Variants in SNRPN observed in about 807,000 individuals in gnomAD.
SNRPN encodes the protein small nuclear ribonucleoprotein-associated protein N.
Under a neutral mutation model 25.2 loss-of-function variants are expected in SNRPN, and 7 were observed. The observed-to-expected ratio is 0.28, with a 90% CI of 0.16 to 0.52. The LOEUF (loss-of-function observed/expected upper bound fraction) is 0.52, where lower values mean the gene tolerates loss of function less well. SNRPN is among the 20% of genes least tolerant of loss of function. The pLI, the probability that SNRPN is intolerant of heterozygous loss-of-function variation, is 0.96. For synonymous variants in SNRPN, 124 were observed against 110.6 expected (o/e 1.12, Z -0.76); for missense variants, 196 against 322.5 (o/e 0.61, Z 3.00).
chr15:24,913,840 G>T (rs2059363352), intron 2 of SNRPN, among the ~76,000 whole-genome samples: 1 of 152,126 alleles, frequency 6.6e-6, no homozygotes. Flanking sequence ...AGTTATCAAA[G>T]AAGTGCTTTG....
At chr15:24,840,444 C>T (rs1389189082) in intron 2 of SNRPN, among the ~76,000 whole-genome samples, 1 of 152,194 alleles carries the variant, frequency 6.6e-6, no homozygotes, top group Non-Finnish European at 1.5e-5. Context: ...TGGTACACCC[C>T]AGTGTCAGTT....
At chr15:24,913,380 C>T (rs995136908) in intron 2 of SNRPN, among the ~76,000 whole-genome samples, 6 of 152,082 alleles carry the variant, frequency 3.9e-5, no homozygotes, top group East Asian at 1.9e-4. Context: ...TAGTGGCTCA[C>T]GCCTGTAATC....
intron 1 of SNRPN, among the ~76,000 whole-genome samples, chr15:24,868,240 T>C (rs1470186152): frequency 6.6e-6 from 1 of 152,122 alleles, no homozygotes; most frequent in Non-Finnish European, 1.5e-5. Context: ...TTCCTTATTA[T>C]AGGCAACTCA....
In SNRPN at chr15:24,964,338, C is replaced by T. The variant is rs140752335; in HGVS notation, c.-295+2129C>T. On this transcript the variant is annotated intron_variant, in intron 2 of 9. Transcript: ENST00000390687. ...TTTCATCTCTTCATTCTTTTTGAGA[C>T]GGAGTTTTGCTCTTGTTGCCCAGGA... Among the ~76,000 whole-genome samples the T allele has an allele frequency of 4.4e-3, 673 of 151,888 alleles. 2 individuals are homozygous for T. The highest frequency in any genetic ancestry group is 0.015 in the African/African-American group (617 of 41,418).
intron 1 of SNRPN, among the ~76,000 whole-genome samples, chr15:24,859,096 C>G (rs996294236): frequency 6.6e-6 from 1 of 152,084 alleles, no homozygotes; most frequent in Non-Finnish European, 1.5e-5. Context: ...TCAGACTGTG[C>G]GACCTGACCT....
intron 1 of SNRPN, among the ~76,000 whole-genome samples, chr15:24,862,201 A>C (rs2054047030): frequency 6.6e-6 from 1 of 151,264 alleles, no homozygotes. Context: ...CAACATTGGA[A>C]ATATTTATCA....
intron 1 of SNRPN, among the ~76,000 whole-genome samples, chr15:24,825,095 TA>T (rs1157226369): frequency 6.6e-6 from 1 of 152,008 alleles, no homozygotes; most frequent in African/African-American, 2.4e-5. Context: ...AGAGCATTGA[TA>T]GTTTATGGAT....
At chr15:24,963,662 TA>T (rs1350900765) in intron 2 of SNRPN, among the ~76,000 whole-genome samples, 1 of 152,146 alleles carries the variant, frequency 6.6e-6, no homozygotes, top group East Asian at 1.9e-4. Flanking sequence ...TAATTTATTT[TA>T]TTTTTTTCAA....
At chr15:24,954,908 C>T (rs2062580059), upstream of SNRPN, 4 of 1,254,808 alleles carry the variant, frequency 3.2e-6, no homozygotes, top group African/African-American at 1.5e-5. Flanking sequence ...AGCACGCCTG[C>T]GCGGCCGCAG....
At chr15:24,883,744 GC>G (rs1187634096) in intron 1 of SNRPN, among the ~76,000 whole-genome samples, 1 of 152,140 alleles carries the variant, frequency 6.6e-6, no homozygotes, top group Non-Finnish European at 1.5e-5. Context: ...GGGCACAGTG[GC>G]TCATGCCTGT....
chr15:24,896,987 A>G (rs570673084), intron 2 of SNRPN, among the ~76,000 whole-genome samples: 38 of 152,070 alleles, frequency 2.5e-4, no homozygotes, highest in African/African-American at 8.9e-4. Context: ...CTTCATCTCT[A>G]TAGTAAAATA....
At chr15:24,962,306 T>C in intron 2 of SNRPN, 97 bp downstream of exon 2, 2 of 969,268 alleles carry the variant, frequency 2.1e-6, no homozygotes, top group Non-Finnish European at 3.3e-6. Context: ...TGAACATAAT[T>C]GAAGAAGCAG....
At chr15:24,907,592 C>G (rs757716631) in intron 2 of SNRPN, among the ~76,000 whole-genome samples, 6 of 151,748 alleles carry the variant, frequency 4.0e-5, no homozygotes, top group African/African-American at 7.2e-5. Context: ...AGCGAGACTC[C>G]ATCTCAAAAA....
intron 2 of SNRPN, among the ~76,000 whole-genome samples, chr15:24,840,664 C>G (rs1049621387): frequency 1.4e-4 from 22 of 152,184 alleles, no homozygotes; most frequent in African/African-American, 5.3e-4. Context: ...TGCATGTTGT[C>G]TCCAGTACCC....
intron 1 of SNRPN, among the ~76,000 whole-genome samples, chr15:24,867,461 G>A (rs12914374): frequency 0.11 from 16,182 of 149,798 alleles, 1,269 homozygotes; most frequent in African/African-American, 0.24. Flanking sequence ...TGCAAGCTCC[G>A]CCTCCCTGGT....
chr15:24,894,042 G>C (rs2057885163), intron 2 of SNRPN, among the ~76,000 whole-genome samples: 1 of 152,046 alleles, frequency 6.6e-6, no homozygotes, highest in Non-Finnish European at 1.5e-5. Flanking sequence ...CCAAAAGAAA[G>C]GCAGGCCTAG....
At chr15:24,911,275 A>G (rs376006189) in intron 2 of SNRPN, 1 of 425,012 alleles carries the variant, frequency 2.4e-6, no homozygotes, top group Non-Finnish European at 4.1e-6. Flanking sequence ...TGTGTGGCCA[A>G]CTGACCGTTT....
intron 3 of SNRPN, among the ~76,000 whole-genome samples, chr15:24,930,521 G>A (rs868013183): frequency 1.3e-5 from 2 of 149,004 alleles, no homozygotes; most frequent in African/African-American, 2.5e-5. Context: ...TGAGAAGGGA[G>A]GATCACCTGA....
chr15:24,877,766 C>A (rs2149321947), intron 1 of SNRPN, among the ~76,000 whole-genome samples: 1 of 152,264 alleles, frequency 6.6e-6, no homozygotes, highest in Middle Eastern at 3.4e-3. Context: ...GCAGGAGAAT[C>A]GCTTGAACCC....
Sources: gnomAD v4.1 joint callset for allele counts (sites outside exome capture counted in the v4.1 genomes callset) on GRCh38, gnomAD v4.1.1 for gene constraint, MANE v1.5 for transcripts, NCBI Gene and HGNC (gene_info 2026-07-23, HGNC 2026-07-21) for gene names.